Variants in FREM1 observed in about 807,000 individuals in gnomAD.
FREM1 encodes FRAS1-related extracellular matrix protein 1.
FREM1 carries 220 observed loss-of-function variants against 210.1 expected under a neutral mutation model. The observed-to-expected ratio is 1.05, with a 90% CI of 0.94 to 1.17. FREM1 has a LOEUF of 1.17. Ranked by LOEUF, FREM1 falls within the 50% of genes most tolerant of loss-of-function variation. The pLI is 0.00. For synonymous variants in FREM1, 1,189 were observed against 980.2 expected (o/e 1.21, Z -3.98); for missense variants, 3,454 against 2,675.5 (o/e 1.29, Z -6.42).
chr9:14,761,671 T>C (rs2132297462), intron 27 of FREM1, among the ~76,000 whole-genome samples: 1 of 152,308 alleles, frequency 6.6e-6, no homozygotes, highest in South Asian at 2.1e-4. Flanking sequence ...CATCATGCTG[T>C]TCTGAGTAGT....
Position 14,824,041 on chromosome 9 carries a change from A to G in FREM1, c.2153T>C (p.Leu718Pro). ...KVVKNPTALELRSFTQHAVNY... is the reference protein window; with the variant it reads ...KVVKNPTALEPRSFTQHAVNY... ...TCCTCATACCTGAGTGAATGACCTC[A>G]GCTCCAGGGCCGTAGGATTCTTAAC... Residue 718 changes from leucine to proline, a missense_variant, in exon 12 of 37, where the codon CTG (leucine) becomes CCG (proline). By Grantham distance (98) the Leu-to-Pro change is moderately conservative (BLOSUM62 -3). Transcript: ENST00000380880. The G allele has an allele frequency of 6.3e-7, 1 of 1,592,484 alleles. No homozygotes were observed. Among genetic ancestry groups the G allele is most frequent in the Non-Finnish European group, 8.6e-7 (1 of 1,167,738 alleles).
chr9:14,768,874 G>C (rs1214396468), intron 27 of FREM1, among the ~76,000 whole-genome samples: 2 of 152,130 alleles, frequency 1.3e-5, no homozygotes, highest in African/African-American at 4.8e-5. Context: ...AGTATGACTA[G>C]GATATGGTGA....
At chr9:14,850,002 C>T (rs1827385127) in intron 6 of FREM1, among the ~76,000 whole-genome samples, 1 of 152,192 alleles carries the variant, frequency 6.6e-6, no homozygotes, top group African/African-American at 2.4e-5. Flanking sequence ...AGTCCTTTGT[C>T]TTCCCTTGAG....
intron 25 of FREM1, among the ~76,000 whole-genome samples, chr9:14,773,089 T>A (rs529785397): frequency 1.5e-3 from 224 of 152,304 alleles, no homozygotes; most frequent in Non-Finnish European, 2.6e-3. Context: ...TTTTAAATAT[T>A]GGGTTGCAAG....
At chr9:14,838,593 C>G (rs943098840) in intron 10 of FREM1, among the ~76,000 whole-genome samples, 3 of 152,144 alleles carry the variant, frequency 2.0e-5, no homozygotes, top group African/African-American at 7.2e-5. Flanking sequence ...ACCGCCCCAT[C>G]TCACTCCCTC....
chr9:14,792,670 T>C (rs191206119), intron 22 of FREM1, 73 bp downstream of exon 22: 245 of 1,143,664 alleles, frequency 2.1e-4, no homozygotes, highest in Non-Finnish European at 1.9e-4. Flanking sequence ...AATCCCATCA[T>C]AGAAATGTGT....
At chr9:14,832,603 A>G (rs1823768389) in intron 10 of FREM1, among the ~76,000 whole-genome samples, 1 of 152,126 alleles carries the variant, frequency 6.6e-6, no homozygotes. Flanking sequence ...CTCTTTTATA[A>G]TGTTCTTCCA....
At chr9:14,875,156 T>A (rs1027037606) in intron 1 of FREM1, among the ~76,000 whole-genome samples, 13 of 152,322 alleles carry the variant, frequency 8.5e-5, no homozygotes, top group African/African-American at 3.1e-4. Context: ...TTGGAGTTGC[T>A]CTTCTCGAGG....
intron 10 of FREM1, among the ~76,000 whole-genome samples, chr9:14,828,637 G>GT (rs1822927413): frequency 1.7e-5 from 2 of 117,038 alleles, no homozygotes; most frequent in Admixed American, 8.8e-5. Flanking sequence ...ATAAATTGTG[G>GT]CGGGGCGGGG....
intron 2 of FREM1, among the ~76,000 whole-genome samples, chr9:14,868,315 T>A (rs1212414783): frequency 6.6e-6 from 1 of 152,194 alleles, no homozygotes; most frequent in Non-Finnish European, 1.5e-5. Context: ...TTTTCCTGTA[T>A]AATTAGCTAC....
chr9:14,811,247 A>T (rs10756616), intron 16 of FREM1, among the ~76,000 whole-genome samples: 69,038 of 128,992 alleles, frequency 0.54, 17,049 homozygotes, highest in Non-Finnish European at 0.64. Flanking sequence ...GTTTTATTTT[A>T]AAAAAAATTA....
chr9:14,885,221 T>C (rs1564169126), intron 1 of FREM1, among the ~76,000 whole-genome samples: 1 of 152,106 alleles, frequency 6.6e-6, no homozygotes, highest in Non-Finnish European at 1.5e-5. Context: ...TTTGCAGAAT[T>C]CATATGTGGC....
chr9:14,876,528 G>A lies in FREM1; in HGVS notation c.-267-7284C>T, dbSNP rs996724385. Among the ~76,000 whole-genome samples the A allele has an allele frequency of 1.1e-4, 17 of 152,160 alleles. 1 individual carries two copies. Among genetic ancestry groups the A allele is most frequent in the East Asian group, 1.9e-4 (1 of 5,170 alleles). On this transcript the variant is annotated intron_variant, in intron 1 of 36. Coordinates refer to ENST00000380880, the MANE Select transcript of FREM1 (RefSeq NM_001379081.2). ...TGGTGCGCCATGTTTTAAGCCCGTC[G>A]GAAAAGCACAGTATGAGGGTGGGAG...
chr9:14,769,936 G>T, intron 26 of FREM1, 68 bp from the exon 27 acceptor site: 1 of 759,434 alleles, frequency 1.3e-6, no homozygotes, highest in Non-Finnish European at 2.1e-6. Context: ...TAATAAAATT[G>T]TATGGCTATT....
chr9:14,860,568 TACAC>T lies in FREM1; in HGVS notation c.330-1088_330-1085del, dbSNP rs542407557. ...ACACATATATATACACACATATATATACACATATATATACACATATATATACATA... is the reference window on the plus strand; with the variant it reads ...ACACATATATATACACACATATATATATATATATACACATATATATACATA... On this transcript the variant is annotated intron_variant, in intron 3 of 36. Transcript: ENST00000380880. Among the ~76,000 whole-genome samples the T allele has an allele frequency of 3.9e-3, 279 of 72,208 alleles. 4 individuals are homozygous for T. Among genetic ancestry groups the T allele is most frequent in the African/African-American group, 0.011 (245 of 21,716 alleles). 47.4% of individuals were successfully genotyped at this position (72,208 alleles called of 152,430 possible).
Position 14,878,960 on chromosome 9 carries a change from A to T in FREM1, c.-267-9716T>A, listed in dbSNP as rs571619350. On this transcript the variant is annotated intron_variant, in intron 1 of 36. Coordinates refer to ENST00000380880, the MANE Select transcript of FREM1 (RefSeq NM_001379081.2). ...CACCTGAGGTCAGGAGTTCGAGAAC[A>T]GCCTGGCCATCACGGTGAAACCCCT... is the stretch of plus-strand genomic sequence containing the variant. 3.6e-4 allele frequency among the ~76,000 whole-genome samples: 55 copies of T among 152,264 alleles called. No homozygotes were observed. In the South Asian group the frequency reaches 0.011, roughly 29 times the overall value.
chr9:14,842,651 C>G lies in FREM1; in HGVS notation c.1403G>C (p.Gly468Ala). Residue 468 changes from glycine (G) to alanine (A), a missense_variant, in exon 9 of 37, where the codon GGG becomes GCG. Physicochemically the swap from Gly to Ala is moderately conservative, Grantham distance 60 (BLOSUM62 0). Coordinates refer to ENST00000380880, the MANE Select transcript of FREM1 (RefSeq NM_001379081.2). ...GAGGTCAGCCACGGTGAAGAGAAAC[C>G]CTTTCCCCCCTGAGGGAGAGAGCAG... ...HGWLTLRGGK[G>A]FLFTVADLQA... 6.2e-7 allele frequency: 1 copy of G among 1,612,760 alleles called. No individual in the cohort carries two copies. The highest frequency in any genetic ancestry group is 8.5e-7 in the Non-Finnish European group (1 of 1,179,240).
chr9:14,759,972 G>A, intron 27 of FREM1, 71 bp from the exon 28 acceptor site: 1 of 1,309,982 alleles, frequency 7.6e-7, no homozygotes, highest in Non-Finnish European at 1.0e-6. Context: ...CTGCTGAGCG[G>A]ACTAGTGGAA....
At chr9:14,859,585 T>A in intron 3 of FREM1, 101 bp from the exon 4 acceptor site, 1 of 949,552 alleles carries the variant, frequency 1.1e-6, no homozygotes, top group Non-Finnish European at 1.6e-6. Flanking sequence ...TCACCAAATT[T>A]GTGCCACAGA....
Sources: allele counts gnomAD v4.1 joint callset (sites outside exome capture counted in the v4.1 genomes callset), GRCh38; gene constraint gnomAD v4.1.1; transcripts MANE v1.5; gene names NCBI Gene and HGNC (gene_info 2026-07-23, HGNC 2026-07-21).